The following CDKL4 variants were observed in gnomAD, a reference collection of about 807,000 sequenced individuals.
CDKL4 encodes cyclin-dependent kinase-like 4.
In CDKL4, 44 loss-of-function variants were observed where a neutral mutation model predicts 42.0. That is an observed-to-expected ratio of 1.05 (90% confidence interval 0.82 to 1.35). The LOEUF is 1.35. Ranked by LOEUF, CDKL4 falls within the 40% of genes most tolerant of loss-of-function variation. The probability of loss-of-function intolerance (pLI) is 0.00; values close to 1 mark genes in which losing one functional copy is unlikely to be tolerated. For synonymous variants in CDKL4, 120 were observed against 121.6 expected (o/e 0.99, Z 0.09); for missense variants, 393 against 369.9 (o/e 1.06, Z -0.51).
intron 2 of CDKL4, among the ~76,000 whole-genome samples, chr2:39,227,301 T>C (rs574491811): frequency 1.3e-5 from 2 of 152,186 alleles, no homozygotes; most frequent in African/African-American, 2.4e-5. Context: ...ATTTTGCATA[T>C]AGTAGAAGCT....
chr2:39,186,117 G>C (rs73930534), intron 7 of CDKL4, among the ~76,000 whole-genome samples: 2,650 of 152,216 alleles, frequency 0.017, 87 homozygotes, highest in African/African-American at 0.06. Flanking sequence ...GTTTGTTGTA[G>C]TTTATTCTTT....
chr2:39,197,022 A>T (rs890521068), intron 5 of CDKL4, among the ~76,000 whole-genome samples: 12 of 152,236 alleles, frequency 7.9e-5, no homozygotes, highest in Non-Finnish European at 1.6e-4. Flanking sequence ...TCAACTATTA[A>T]GCCAATCAAG....
chr2:39,245,526 CTTGGTGGGTATAACCT>C (rs1361429348), upstream of CDKL4, among the ~76,000 whole-genome samples: 2 of 152,228 alleles, frequency 1.3e-5, no homozygotes, highest in African/African-American at 4.8e-5. Flanking sequence ...CATACTTCCT[CTTGGTGGGTATAACCT>C]CGGGGCCGAG....
chr2:39,224,269 A>G (rs1354121735), intron 3 of CDKL4, among the ~76,000 whole-genome samples: 2 of 152,114 alleles, frequency 1.3e-5, no homozygotes, highest in Non-Finnish European at 2.9e-5. Flanking sequence ...TCAAATTTCA[A>G]AAAATACCCT....
chr2:39,216,075 A>C (rs547230772), intron 3 of CDKL4, among the ~76,000 whole-genome samples: 1 of 152,212 alleles, frequency 6.6e-6, no homozygotes, highest in African/African-American at 2.4e-5. Context: ...TTCAAATCCC[A>C]GATATGCTGC....
the CDKL4 span, among the ~76,000 whole-genome samples, chr2:39,170,099 A>T: frequency 6.6e-6 from 1 of 152,014 alleles, no homozygotes; most frequent in Non-Finnish European, 1.5e-5. Context: ...CCTGGGCTCA[A>T]GCAATTCACC....
intron 1 of CDKL4, among the ~76,000 whole-genome samples, chr2:39,231,966 A>C (rs953901805): frequency 6.6e-6 from 1 of 152,234 alleles, no homozygotes; most frequent in African/African-American, 2.4e-5. Context: ...TAGATTTGTT[A>C]ATTTAACCTA....
At chr2:39,178,125 G>A (rs1675247334) in intron 9 of CDKL4, among the ~76,000 whole-genome samples, 5 of 152,134 alleles carry the variant, frequency 3.3e-5, no homozygotes, top group Admixed American at 3.3e-4. Flanking sequence ...ACATTTAATA[G>A]CAAAAGGTAA....
At chr2:39,180,585 C>A (rs1015964753) in intron 8 of CDKL4, among the ~76,000 whole-genome samples, 2 of 152,184 alleles carry the variant, frequency 1.3e-5, no homozygotes, top group African/African-American at 4.8e-5. Flanking sequence ...AGCAGATGAC[C>A]CCTAATTAAT....
intron 2 of CDKL4, among the ~76,000 whole-genome samples, chr2:39,226,526 CT>C (rs1331534612): frequency 6.9e-6 from 1 of 145,890 alleles, no homozygotes; most frequent in East Asian, 2.0e-4. Context: ...GTTGTTCTCT[CT>C]TATGCATAGA....
chr2:39,217,722 T>C (rs1276050520), intron 3 of CDKL4, among the ~76,000 whole-genome samples: 1 of 137,944 alleles, frequency 7.2e-6, no homozygotes, highest in African/African-American at 3.0e-5. Context: ...ATTTATTTAT[T>C]TATTTATTTA....
At chr2:39,186,075 A>C (rs1304544889) in intron 7 of CDKL4, among the ~76,000 whole-genome samples, 3 of 152,192 alleles carry the variant, frequency 2.0e-5, no homozygotes, top group Non-Finnish European at 4.4e-5. Flanking sequence ...GAGATGCCTG[A>C]AAGATAATGG....
At chr2:39,246,228 C>G (rs1679908111), upstream of CDKL4, among the ~76,000 whole-genome samples, 1 of 152,164 alleles carries the variant, frequency 6.6e-6, no homozygotes, top group Non-Finnish European at 1.5e-5. Context: ...GCTGAAATCT[C>G]CCATCTTTAA....
At chr2:39,177,641 G>A (rs1489427010) in intron 9 of CDKL4, among the ~76,000 whole-genome samples, 1 of 151,054 alleles carries the variant, frequency 6.6e-6, no homozygotes, top group Non-Finnish European at 1.5e-5. Flanking sequence ...CTGACCGAGT[G>A]ATCCACCCGC....
intron 9 of CDKL4, 143 bp downstream of exon 9, chr2:39,179,044 A>G (rs1675288944): frequency 1.3e-6 from 2 of 1,492,598 alleles, no homozygotes; most frequent in Non-Finnish European, 8.9e-7. Flanking sequence ...ATCAATTACC[A>G]ATATTTATTA....
intron 7 of CDKL4, 33 bp downstream of exon 7, chr2:39,187,594 A>T: frequency 7.0e-7 from 1 of 1,420,668 alleles, no homozygotes; most frequent in Non-Finnish European, 9.8e-7. Flanking sequence ...GCCGCAACAC[A>T]AGTAATAAAA....
intron 1 of CDKL4, among the ~76,000 whole-genome samples, chr2:39,234,940 G>A (rs542272417): frequency 4.8e-4 from 72 of 150,602 alleles, no homozygotes; most frequent in Middle Eastern, 3.4e-3. Flanking sequence ...TCAATCTAAA[G>A]TGCAGTGGTG....
exon 10 of CDKL4, chr2:39,175,889 C>A: frequency 2.6e-6 from 1 of 382,116 alleles, no homozygotes; most frequent in South Asian, 2.1e-5. Context: ...TAGAAGGCAT[C>A]TTAATTTTCA....
chr2:39,220,501 C>T (rs891985059), intron 3 of CDKL4, among the ~76,000 whole-genome samples: 1 of 152,140 alleles, frequency 6.6e-6, no homozygotes, highest in African/African-American at 2.4e-5. Flanking sequence ...AAATGGATTT[C>T]ATGGGTGTTG....
Sources: gnomAD v4.1 joint callset for allele counts (sites outside exome capture counted in the v4.1 genomes callset) on GRCh38, gnomAD v4.1.1 for gene constraint, MANE v1.5 for transcripts, NCBI Gene and HGNC (gene_info 2026-07-23, HGNC 2026-07-21) for gene names.